The following CAAP1 variants were observed in gnomAD, a reference collection of about 807,000 sequenced individuals.
The protein encoded by CAAP1 is conserved anti-apoptotic protein.
A neutral mutation model predicts 34.0 loss-of-function variants in CAAP1; 20 were observed. That is an observed-to-expected ratio of 0.59 (90% confidence interval 0.41 to 0.86). The LOEUF (loss-of-function observed/expected upper bound fraction) is 0.86. Ranked by LOEUF, CAAP1 falls within the 40% of genes least tolerant of loss-of-function variation. CAAP1 has a pLI of 0.00. For missense variants in CAAP1, 538 were observed against 450.5 expected, an observed-to-expected ratio of 1.19 and a Z score of -1.76; for synonymous variants, 213 against 166.7, an observed-to-expected ratio of 1.28 and a Z score of -2.14.
At chr9:26,884,379 C>T (rs975706684) in intron 4 of CAAP1, among the ~76,000 whole-genome samples, 11 of 152,122 alleles carry the variant, frequency 7.2e-5, no homozygotes, top group African/African-American at 2.7e-4. Context: ...ATGAACATAA[C>T]TATCTCTTCT....
intron 4 of CAAP1, chr9:26,880,332 C>A: frequency 6.3e-6 from 2 of 317,892 alleles, no homozygotes; most frequent in South Asian, 5.1e-5. Context: ...AGCAATTTCT[C>A]AAGCCAGACC....
At chr9:26,858,550 C>T (rs1028258303) in intron 5 of CAAP1, among the ~76,000 whole-genome samples, 6 of 152,210 alleles carry the variant, frequency 3.9e-5, no homozygotes, top group East Asian at 1.9e-4. Flanking sequence ...TGGCTGGGTG[C>T]GGTGGCTCAC....
intron 4 of CAAP1, among the ~76,000 whole-genome samples, chr9:26,873,040 C>G (rs1823320390): frequency 6.6e-6 from 1 of 152,120 alleles, no homozygotes; most frequent in South Asian, 2.1e-4. Context: ...GCAGAAGGAT[C>G]TCTTGAGCCA....
In CAAP1 at chr9:26,861,050, A is replaced by G. The variant is rs1038636333; in HGVS notation, c.739+16T>C. ...TCAGGTAAATTTTATACAATAATCA[A>G]GTACTTGGTTCATACCTTGTTTTAA... On this transcript the variant is annotated intron_variant, in intron 5 of 5. Transcript: ENST00000333916. The G allele has an allele frequency of 5.8e-6, 9 of 1,558,602 alleles. No individual in the cohort carries two copies. Among genetic ancestry groups the G allele is most frequent in the Non-Finnish European group, 7.9e-6 (9 of 1,132,088 alleles).
At chr9:26,854,201 CT>C (rs1822817231) in intron 5 of CAAP1, among the ~76,000 whole-genome samples, 1 of 152,184 alleles carries the variant, frequency 6.6e-6, no homozygotes, top group Admixed American at 6.5e-5. Context: ...CTACTAAGCA[CT>C]GCTCTAAAGC....
chr9:26,884,938 T>G, intron 3 of CAAP1, 53 bp from the exon 4 acceptor site: 1 of 1,280,092 alleles, frequency 7.8e-7, no homozygotes, highest in East Asian at 2.3e-5. Context: ...ATTAAAATGA[T>G]GCAATCATGA....
At chr9:26,861,034 T>C in intron 5 of CAAP1, 32 bp downstream of exon 5, 1 of 1,480,848 alleles carries the variant, frequency 6.8e-7, no homozygotes, top group Non-Finnish European at 9.4e-7. Context: ...TTCAGGTAAA[T>C]TTTATACAAT....
chr9:26,871,901 C>A (rs139036469), intron 4 of CAAP1, among the ~76,000 whole-genome samples: 5,413 of 146,362 alleles, frequency 0.037, 161 homozygotes, highest in South Asian at 0.097. Flanking sequence ...GCGACAGAGC[C>A]AGACTTCATC....
At chr9:26,844,866 A>G (rs1822560760) in intron 5 of CAAP1, among the ~76,000 whole-genome samples, 1 of 152,004 alleles carries the variant, frequency 6.6e-6, no homozygotes, top group Non-Finnish European at 1.5e-5. Context: ...CTTGAATTCT[A>G]TTTCACAGGA....
In CAAP1 at chr9:26,842,090, C is replaced by G. The variant is rs758908995; in HGVS notation, c.*211G>C. ...GTATCCAGGCTATCCAACTATATTG[C>G]CATGAATTCATAAGACAGTAACACA... On this transcript the variant is annotated 3_prime_UTR_variant, in exon 6 of 6. Coordinates refer to ENST00000333916, the MANE Select transcript of CAAP1 (RefSeq NM_024828.4). 3.3e-4 allele frequency: 144 copies of G among 442,440 alleles called. No individual in the cohort carries two copies. The highest frequency in any genetic ancestry group is 4.4e-4 in the Non-Finnish European group (111 of 252,392). 27.4% of individuals were successfully genotyped at this position (442,440 alleles called of 1,614,324 possible).
At chr9:26,875,529 T>C (rs1449070820) in intron 4 of CAAP1, among the ~76,000 whole-genome samples, 1 of 152,242 alleles carries the variant, frequency 6.6e-6, no homozygotes, top group South Asian at 2.1e-4. Flanking sequence ...TCTAGACATA[T>C]TTGAAATTAT....
At chr9:26,846,415 CAAAAAAAAAAA>C (rs761402354) in intron 5 of CAAP1, among the ~76,000 whole-genome samples, 12,587 of 62,046 alleles carry the variant, frequency 0.2, 695 homozygotes, top group South Asian at 0.43. Context: ...GACTCTGTCT[CAAAAAAAAAAA>C]AAAAAAAAAA....
At chr9:26,846,669 C>T (rs1385424165) in intron 5 of CAAP1, among the ~76,000 whole-genome samples, 3 of 151,734 alleles carry the variant, frequency 2.0e-5, no homozygotes, top group Non-Finnish European at 4.4e-5. Context: ...GTTCACAGAG[C>T]AAAATGGGAA....
chr9:26,860,402 A>G (rs564733624), intron 5 of CAAP1, among the ~76,000 whole-genome samples: 2 of 152,360 alleles, frequency 1.3e-5, no homozygotes, highest in South Asian at 2.1e-4. Context: ...TCAGGGGGAA[A>G]AAAGTTATGC....
intron 4 of CAAP1, among the ~76,000 whole-genome samples, chr9:26,867,373 GGATATAAAGATACATGCAAGT>G (rs1249305044): frequency 6.6e-6 from 1 of 152,050 alleles, no homozygotes; most frequent in Admixed American, 6.6e-5. Flanking sequence ...TAAGGACACT[GGATATAAAGATACATGCAAGT>G]GATTGCATTT....
At chr9:26,843,645 T>A (rs1454521290) in intron 5 of CAAP1, among the ~76,000 whole-genome samples, 1 of 152,070 alleles carries the variant, frequency 6.6e-6, no homozygotes, top group Non-Finnish European at 1.5e-5. Flanking sequence ...TTCCCTAATA[T>A]AAGAAAGCTT....
chr9:26,870,334 G>T (rs1194141999), intron 4 of CAAP1, among the ~76,000 whole-genome samples: 2 of 151,970 alleles, frequency 1.3e-5, no homozygotes, highest in Non-Finnish European at 1.5e-5. Context: ...ATATGGAAGG[G>T]ACACAGTGAG....
At chr9:26,883,914 C>G (rs1823662450) in intron 4 of CAAP1, among the ~76,000 whole-genome samples, 1 of 152,122 alleles carries the variant, frequency 6.6e-6, no homozygotes, top group Admixed American at 6.5e-5. Flanking sequence ...ATTTTCTACT[C>G]TATGTTTTCA....
intron 4 of CAAP1, among the ~76,000 whole-genome samples, chr9:26,877,654 C>A (rs1268725191): frequency 3.9e-5 from 6 of 152,026 alleles, no homozygotes; most frequent in Non-Finnish European, 8.8e-5. Flanking sequence ...TGATCCTTTT[C>A]CTTCTTTGAT....
Sources: gnomAD v4.1 joint callset for allele counts (sites outside exome capture counted in the v4.1 genomes callset) on GRCh38, gnomAD v4.1.1 for gene constraint, MANE v1.5 for transcripts, NCBI Gene and HGNC (gene_info 2026-07-23, HGNC 2026-07-21) for gene names.